The following HIPK1 variants were observed in gnomAD, a reference collection of about 807,000 sequenced individuals.
HIPK1 encodes the protein homeodomain-interacting protein kinase 1.
A neutral mutation model predicts 117.1 loss-of-function variants in HIPK1; 28 were observed. The observed-to-expected ratio is 0.24, with a 90% CI of 0.18 to 0.33. The LOEUF (loss-of-function observed/expected upper bound fraction) is 0.33, where lower values mean the gene tolerates loss of function less well. HIPK1 is among the 10% of genes least tolerant of loss of function. HIPK1 has a pLI of 1.00. For synonymous variants in HIPK1, 605 were observed against 562.5 expected, an observed-to-expected ratio of 1.08 and a Z score of -1.07; for missense variants, 1,122 against 1,475.1, an observed-to-expected ratio of 0.76 and a Z score of 3.92.
chr1:113,947,804 A>G (rs907733764), intron 2 of HIPK1, among the ~76,000 whole-genome samples: 1 of 152,244 alleles, frequency 6.6e-6, no homozygotes, highest in Non-Finnish European at 1.5e-5. Flanking sequence ...GAGACTTGCC[A>G]TGTTCAAAGC....
At position 113,974,747 on chromosome 1, in the gene HIPK1, G is replaced by A. The variant is rs1673050529; in HGVS notation, c.*1235G>A. On this transcript the variant is annotated 3_prime_UTR_variant, in exon 16 of 16. Coordinates refer to ENST00000426820, the MANE Select transcript of HIPK1 (RefSeq NM_198268.3). ...ATATTTTAGAAGTTTTGTAATGGTGGTGTTTTAATATTTTACATAATTAAA... is the reference window on the plus strand; with the variant it reads ...ATATTTTAGAAGTTTTGTAATGGTGATGTTTTAATATTTTACATAATTAAA... 6.6e-6 allele frequency: 1 copy of A among 152,526 alleles called. No individual in the cohort carries two copies. Among genetic ancestry groups the A allele is most frequent in the Non-Finnish European group, 1.5e-5 (1 of 68,014 alleles). The allele number at this position is 152,526 out of a possible 1,614,324, so 9.4% of individuals were successfully genotyped here. A position where few individuals can be genotyped will look rare whatever the true frequency, so the allele number is the denominator to read the frequency against.
At chr1:113,962,277 A>G in intron 8 of HIPK1, 40 bp from the exon 9 acceptor site, 1 of 1,605,660 alleles carries the variant, frequency 6.2e-7, no homozygotes, top group Non-Finnish European at 8.5e-7. Flanking sequence ...GTACTCCCAG[A>G]CCTTGCAAAA....
intron 5 of HIPK1, 94 bp from the exon 6 acceptor site, chr1:113,956,533 T>G: frequency 1.2e-6 from 1 of 801,342 alleles, no homozygotes; most frequent in Middle Eastern, 2.7e-4. Flanking sequence ...TGATTACATA[T>G]ATACACACAC....
rs763751686 is a variant in HIPK1 at position 113,967,832 on chromosome 1, T to C, written c.2448T>C (p.His816=). 3 of 1,612,484 alleles carry C rather than the reference T, an allele frequency of 1.9e-6. No individual in the cohort carries two copies. Among genetic ancestry groups the C allele is most frequent in the African/African-American group, 1.3e-5 (1 of 75,000 alleles). ...IMQQPSLLTN[H]VTLATAQPLN... is the part of the protein sequence containing the mutation. ...AGCAGCCATCCTTGCTGACTAACCA[T>C]GTGACATTGGCCACTGCTCAGCCTC... Residue 816 remains histidine (H), a synonymous_variant, in exon 12 of 16, where the codon CAT becomes CAC. Coordinates refer to ENST00000426820, the MANE Select transcript of HIPK1 (RefSeq NM_198268.3).
intron 8 of HIPK1, among the ~76,000 whole-genome samples, chr1:113,961,464 T>A (rs1672097106): frequency 6.6e-6 from 1 of 152,218 alleles, no homozygotes; most frequent in South Asian, 2.1e-4. Flanking sequence ...AATATATGAC[T>A]GATTTATGGA....
At chr1:113,972,806 AGCAAAATGCTG>A (rs1299240618) in intron 15 of HIPK1, among the ~76,000 whole-genome samples, 1 of 152,170 alleles carries the variant, frequency 6.6e-6, no homozygotes. Flanking sequence ...CATACTTACA[AGCAAAATGCTG>A]TTACCTGAGC....
At chr1:113,929,729 C>T in intron 1 of HIPK1, 197 bp downstream of exon 1, 2 of 826,116 alleles carry the variant, frequency 2.4e-6, no homozygotes, top group South Asian at 3.0e-5. Context: ...GCGGCGGCGG[C>T]GGGAAGGGGC....
In HIPK1 at chr1:113,940,604, T is replaced by C; in HGVS notation, c.221T>C (p.Leu74Pro). The C allele has an allele frequency of 6.2e-7, 1 of 1,614,136 alleles. No homozygotes were observed. Among genetic ancestry groups the C allele is most frequent in the Non-Finnish European group, 8.5e-7 (1 of 1,180,030 alleles). Residue 74 changes from leucine to proline, a missense_variant, in exon 2 of 16, where the codon CTC (leucine) becomes CCC (proline). Transcript: ENST00000426820. ...AACATCCCTGCTTACGACCAGGGCC[T>C]CCTCCTCCCAGCTCCTGCAGTGGAG... is the stretch of plus-strand genomic sequence containing the variant. ...NFNIPAYDQG[L>P]LLPAPAVEHI...
Position 113,966,288 on chromosome 1 carries a change from T to G in HIPK1, c.2381+16T>G, listed in dbSNP as rs1300774148. On this transcript the variant is annotated intron_variant, in intron 11 of 15. Coordinates refer to ENST00000426820, the MANE Select transcript of HIPK1 (RefSeq NM_198268.3). ...CTGACTGGAGGCAAGTGTCCTGTGT[T>G]ACTCTGGGAGATTTGTAAGGGCCGA... 2.0e-5 allele frequency: 32 copies of G among 1,604,410 alleles called. No individual in the cohort carries two copies. The highest frequency in any genetic ancestry group is 2.6e-5 in the Non-Finnish European group (30 of 1,175,446).
intron 9 of HIPK1, among the ~76,000 whole-genome samples, chr1:113,963,047 T>C (rs893593151): frequency 6.6e-6 from 1 of 152,246 alleles, no homozygotes; most frequent in Non-Finnish European, 1.5e-5. Flanking sequence ...ATATAAATGT[T>C]TGTGGCCTAT....
chr1:113,939,405 C>G (rs1447647876), intron 1 of HIPK1, among the ~76,000 whole-genome samples: 1 of 151,564 alleles, frequency 6.6e-6, no homozygotes, highest in East Asian at 1.9e-4. Context: ...CTGGAGCTCC[C>G]TGATTTCTGG....
intron 2 of HIPK1, among the ~76,000 whole-genome samples, chr1:113,947,768 T>C (rs866695376): frequency 2.6e-5 from 4 of 152,226 alleles, no homozygotes; most frequent in Admixed American, 2.6e-4. Context: ...ATTTGTTTTT[T>C]AAGGATGGGA....
At chr1:113,940,238 T>A in intron 1 of HIPK1, 144 bp from the exon 2 acceptor site, 1 of 769,238 alleles carries the variant, frequency 1.3e-6, no homozygotes, top group South Asian at 1.9e-5. Flanking sequence ...AGGTCAAGAT[T>A]GAATTAGTTT....
chr1:113,946,770 C>G (rs186307907), intron 2 of HIPK1, among the ~76,000 whole-genome samples: 2 of 152,204 alleles, frequency 1.3e-5, no homozygotes, highest in African/African-American at 2.4e-5. Flanking sequence ...CTGTGTATTA[C>G]TGAGTAATTA....
chr1:113,929,657 C>G (rs1470857853), intron 1 of HIPK1, 125 bp downstream of exon 1: 1 of 952,640 alleles, frequency 1.0e-6, no homozygotes, highest in Non-Finnish European at 1.4e-6. Context: ...AGCAAGGGGC[C>G]CGGCGGTAGC....
At chr1:113,971,562 A>T (rs1177948200) in intron 14 of HIPK1, among the ~76,000 whole-genome samples, 1 of 152,226 alleles carries the variant, frequency 6.6e-6, no homozygotes, top group Non-Finnish European at 1.5e-5. Flanking sequence ...TTGTATTTCC[A>T]GTCGTTCCTT....
chr1:113,955,201 A>C (rs1313708590), intron 4 of HIPK1, among the ~76,000 whole-genome samples: 1 of 152,250 alleles, frequency 6.6e-6, no homozygotes, highest in Non-Finnish European at 1.5e-5. Flanking sequence ...GTTCAGAAAT[A>C]TCTGAGTAAT....
intron 10 of HIPK1, among the ~76,000 whole-genome samples, chr1:113,963,731 A>G (rs1415865158): frequency 6.6e-6 from 1 of 152,160 alleles, no homozygotes; most frequent in Non-Finnish European, 1.5e-5. Flanking sequence ...TTCCTCCCCA[A>G]CATTTGCTGT....
Position 113,968,619 on chromosome 1 carries a change from G to A in HIPK1, c.2742G>A (p.Glu914=), listed in dbSNP as rs776041009. 1.9e-6 allele frequency: 3 copies of A among 1,613,876 alleles called. No homozygotes were observed. The highest frequency in any genetic ancestry group is 2.2e-5 in the South Asian group (2 of 91,070). ...SVITIRSDTD[E]EEDNKYKPSS... The stretch of plus-strand genomic sequence containing the variant: ...TCACTATCCGAAGTGACACTGATGA[G>A]GAAGAGGACAACAAATACAAGCCCA... The change falls in exon 13 of 16, where the codon GAG becomes GAA. Residue 914 remains glutamate, a synonymous_variant. Coordinates refer to ENST00000426820, the MANE Select transcript of HIPK1 (RefSeq NM_198268.3).
Sources: gnomAD v4.1 joint callset for allele counts (sites outside exome capture counted in the v4.1 genomes callset) on GRCh38, gnomAD v4.1.1 for gene constraint, MANE v1.5 for transcripts, NCBI Gene and HGNC (gene_info 2026-07-23, HGNC 2026-07-21) for gene names.